NEBL: variants seen among roughly 807,000 people sequenced by gnomAD.
NEBL encodes LIM and SH3 protein 2.
NEBL carries 122 observed loss-of-function variants against 140.2 expected under a neutral mutation model. That is an observed-to-expected ratio of 0.87 (90% CI 0.75 to 1.01). NEBL has a LOEUF of 1.01. NEBL is among the 50% of genes least tolerant of loss of function. The pLI, the probability that NEBL is intolerant of heterozygous loss-of-function variation, is 0.00. For synonymous variants in NEBL, 436 were observed against 398.9 expected, an observed-to-expected ratio of 1.09 and a Z score of -1.11; for missense variants, 1,365 against 1,231.3, an observed-to-expected ratio of 1.11 and a Z score of -1.62.
exon 1 of NEBL, chr10:21,174,166 CTCG>C: frequency 2.2e-6 from 1 of 459,462 alleles, no homozygotes; most frequent in Non-Finnish European, 2.9e-6. Context: ...GCTCCCCCGC[CTCG>C]CCGCCGCCGC....
chr10:21,033,345 T>C (rs150555447), intron 2 of NEBL, among the ~76,000 whole-genome samples: 20 of 152,328 alleles, frequency 1.3e-4, no homozygotes, highest in Non-Finnish European at 2.4e-4. Context: ...ATCATACCTA[T>C]AGCAAATGTG....
chr10:21,106,027 G>T (rs534888005), intron 2 of NEBL, among the ~76,000 whole-genome samples: 22 of 152,014 alleles, frequency 1.4e-4, no homozygotes, highest in African/African-American at 5.1e-4. Flanking sequence ...ACTTTTTGAT[G>T]GGGTTGTTTG....
chr10:21,153,930 C>T (rs1840239253), intron 2 of NEBL, among the ~76,000 whole-genome samples: 1 of 151,992 alleles, frequency 6.6e-6, no homozygotes, highest in South Asian at 2.1e-4. Context: ...TGAAATAAGA[C>T]CACATGAACA....
chr10:21,026,654 G>A (rs906942731), intron 2 of NEBL, among the ~76,000 whole-genome samples: 1 of 152,208 alleles, frequency 6.6e-6, no homozygotes, highest in African/African-American at 2.4e-5. Context: ...GGATCTGAGA[G>A]CAGAATTCAG....
chr10:21,030,032 C>G, intron 2 of NEBL: 1 of 486,462 alleles, frequency 2.1e-6, no homozygotes, highest in Non-Finnish European at 4.0e-6. Flanking sequence ...TCATAATACT[C>G]CTAAGGGAGA....
intron 9 of NEBL, among the ~76,000 whole-genome samples, chr10:20,854,605 C>G (rs1309928987): frequency 7.1e-6 from 1 of 141,240 alleles, no homozygotes; most frequent in Non-Finnish European, 1.5e-5. Flanking sequence ...TGCTCTGTCA[C>G]CCAGGCTGGA....
intron 3 of NEBL, among the ~76,000 whole-genome samples, chr10:21,242,811 C>T (rs1842458457): frequency 6.6e-6 from 1 of 152,054 alleles, no homozygotes; most frequent in Admixed American, 6.6e-5. Flanking sequence ...GCTAGCTTGT[C>T]CAAACACCTT....
At chr10:21,124,587 T>C (rs1188756086) in intron 2 of NEBL, among the ~76,000 whole-genome samples, 1 of 152,074 alleles carries the variant, frequency 6.6e-6, no homozygotes, top group East Asian at 1.9e-4. Context: ...GGATTCAAAG[T>C]TTCAAAGAGG....
At chr10:21,127,068 C>T (rs185366462) in intron 2 of NEBL, among the ~76,000 whole-genome samples, 87 of 149,676 alleles carry the variant, frequency 5.8e-4, no homozygotes, top group Admixed American at 1.1e-3. Context: ...TACACTCAAA[C>T]GCATCCATGG....
intron 3 of NEBL, among the ~76,000 whole-genome samples, chr10:21,011,323 A>G (rs2131740716): frequency 6.6e-6 from 1 of 152,360 alleles, no homozygotes; most frequent in East Asian, 1.9e-4. Context: ...ATTCTGATAC[A>G]AAAGAAAACC....
At chr10:20,929,900 GTACCT>G (rs1470574806) in intron 4 of NEBL, among the ~76,000 whole-genome samples, 1 of 152,102 alleles carries the variant, frequency 6.6e-6, no homozygotes, top group Non-Finnish European at 1.5e-5. Context: ...AACTGCACCT[GTACCT>G]TCTAAGTCTA....
chr10:21,272,990 G>A (rs369189128), intron 1 of NEBL, among the ~76,000 whole-genome samples: 8 of 151,966 alleles, frequency 5.3e-5, no homozygotes, highest in African/African-American at 1.5e-4. Flanking sequence ...CTGCCACCCC[G>A]CCCCAACCAA....
chr10:20,998,251 C>T (rs557247272), intron 3 of NEBL, among the ~76,000 whole-genome samples: 36 of 152,232 alleles, frequency 2.4e-4, no homozygotes, highest in African/African-American at 7.9e-4. Flanking sequence ...CCTGAGTAGC[C>T]GTGTGGCCTC....
At chr10:21,112,182 C>T (rs1435939048) in intron 2 of NEBL, among the ~76,000 whole-genome samples, 2 of 152,076 alleles carry the variant, frequency 1.3e-5, no homozygotes, top group Non-Finnish European at 2.9e-5. Flanking sequence ...AACAGTGTGG[C>T]GATTCCTCAA....
At chr10:20,844,632 G>T (rs999006115) in intron 12 of NEBL, among the ~76,000 whole-genome samples, 9 of 151,560 alleles carry the variant, frequency 5.9e-5, no homozygotes, top group Non-Finnish European at 1.3e-4. Flanking sequence ...TATGTTTTTG[G>T]GGAAATTTTT....
At chr10:21,197,774 T>A (rs756462746) in intron 3 of NEBL, among the ~76,000 whole-genome samples, 1 of 152,154 alleles carries the variant, frequency 6.6e-6, no homozygotes, top group Non-Finnish European at 1.5e-5. Context: ...TTCTTCCAGG[T>A]CCTACATACC....
At chr10:20,855,783 T>C (rs1436182267) in intron 9 of NEBL, among the ~76,000 whole-genome samples, 1 of 152,222 alleles carries the variant, frequency 6.6e-6, no homozygotes, top group Non-Finnish European at 1.5e-5. Flanking sequence ...TATCACTCTT[T>C]AGAGTTTGGG....
chr10:20,793,699 G>T (rs771598696), intron 26 of NEBL, among the ~76,000 whole-genome samples: 1 of 151,926 alleles, frequency 6.6e-6, no homozygotes, highest in African/African-American at 2.4e-5. Flanking sequence ...GACTACAGGT[G>T]CATGCTACCA....
At chr10:20,947,757 G>T (rs1052986741) in intron 4 of NEBL, among the ~76,000 whole-genome samples, 3 of 151,818 alleles carry the variant, frequency 2.0e-5, no homozygotes, top group African/African-American at 7.3e-5. Flanking sequence ...GGAAGCAGAT[G>T]GAAGGACGGC....
Sources: gnomAD v4.1 joint callset for allele counts (sites outside exome capture counted in the v4.1 genomes callset) on GRCh38, gnomAD v4.1.1 for gene constraint, MANE v1.5 for transcripts, NCBI Gene and HGNC (gene_info 2026-07-23, HGNC 2026-07-21) for gene names.